The following CALCRL variants were observed in gnomAD, a reference collection of about 807,000 sequenced individuals.
The protein encoded by CALCRL is calcitonin gene-related peptide type 1 receptor.
CALCRL carries 27 observed loss-of-function variants against 60.4 expected under a neutral mutation model. The observed-to-expected ratio is 0.45, with a 90% CI of 0.33 to 0.62. The LOEUF (loss-of-function observed/expected upper bound fraction) is 0.62. Ranked by LOEUF, CALCRL falls within the 20% of genes least tolerant of loss-of-function variation. The probability of loss-of-function intolerance (pLI) is 0.03; values close to 1 mark genes in which losing one functional copy is unlikely to be tolerated. For missense variants in CALCRL, 424 were observed against 540.7 expected (o/e 0.78, Z 2.14); for synonymous variants, 190 against 182.6 (o/e 1.04, Z -0.33).
At chr2:187,365,536 A>G (rs1484336364) in intron 8 of CALCRL, among the ~76,000 whole-genome samples, 1 of 152,192 alleles carries the variant, frequency 6.6e-6, no homozygotes, top group East Asian at 1.9e-4. Flanking sequence ...CTGAGCACAC[A>G]TATATCTAAG....
chr2:187,350,789 A>C (rs756736357), intron 14 of CALCRL, among the ~76,000 whole-genome samples: 1 of 151,692 alleles, frequency 6.6e-6, no homozygotes, highest in Admixed American at 6.6e-5. Flanking sequence ...AACTGGTCCC[A>C]TGTGTTCCCC....
chr2:187,416,123 A>G (rs1689594019), intron 1 of CALCRL, among the ~76,000 whole-genome samples: 2 of 152,150 alleles, frequency 1.3e-5, no homozygotes, highest in Non-Finnish European at 2.9e-5. Context: ...ACAAAATGCA[A>G]CTCTACTAGG....
intron 1 of CALCRL, among the ~76,000 whole-genome samples, chr2:187,400,250 A>T (rs1280344601): frequency 6.6e-6 from 1 of 151,380 alleles, no homozygotes; most frequent in South Asian, 2.1e-4. Flanking sequence ...TGGGCAAAGG[A>T]TCTAACAAAT....
At chr2:187,385,045 G>T (rs534791805) in intron 4 of CALCRL, among the ~76,000 whole-genome samples, 4 of 152,088 alleles carry the variant, frequency 2.6e-5, no homozygotes, top group African/African-American at 4.8e-5. Flanking sequence ...GCACACACTT[G>T]CCTCAAATTT....
intron 12 of CALCRL, among the ~76,000 whole-genome samples, chr2:187,354,770 C>T (rs1415081667): frequency 2.0e-5 from 3 of 152,050 alleles, no homozygotes; most frequent in Non-Finnish European, 4.4e-5. Context: ...TTCATCCTTA[C>T]TCTTCTTCCT....
chr2:187,364,721 T>A lies in CALCRL; in HGVS notation c.501-1219A>T, dbSNP rs1687204087. Among the ~76,000 whole-genome samples, 3 of 152,296 alleles carry A rather than the reference T, an allele frequency of 2.0e-5. No individual in the cohort carries two copies. In the South Asian group the frequency reaches 6.2e-4, roughly 32 times the overall value. ...TACCTTTCTTCCAGCCACAGGTCTG[T>A]GATTCTATATATAGCTCTAGTAATT... On this transcript the variant is annotated intron_variant, in intron 8 of 14. Transcript: ENST00000392370.
intron 1 of CALCRL, among the ~76,000 whole-genome samples, chr2:187,413,580 T>C (rs555905025): frequency 8.5e-5 from 13 of 152,248 alleles, no homozygotes; most frequent in Non-Finnish European, 2.9e-5. Flanking sequence ...CAGCAAACGA[T>C]AGAAATGATT....
At chr2:187,360,380 G>A (rs1433213719) in intron 10 of CALCRL, among the ~76,000 whole-genome samples, 1 of 151,954 alleles carries the variant, frequency 6.6e-6, no homozygotes, top group East Asian at 1.9e-4. Flanking sequence ...TAGAAAAAAA[G>A]ACACTATTAT....
chr2:187,372,163 C>CT (rs928701129), intron 8 of CALCRL, among the ~76,000 whole-genome samples: 103 of 145,230 alleles, frequency 7.1e-4, no homozygotes, highest in African/African-American at 1.1e-3. Context: ...ACAACATTTT[C>CT]TTTTTTTTTT....
chr2:187,382,168 T>G (rs1464440460), intron 5 of CALCRL, among the ~76,000 whole-genome samples: 5 of 152,172 alleles, frequency 3.3e-5, no homozygotes, highest in Non-Finnish European at 7.3e-5. Flanking sequence ...AAATTGTGTT[T>G]TATGGCATTT....
chr2:187,342,634 G>A lies in CALCRL; in HGVS notation c.*3550C>T, dbSNP rs1448752181. ...AAAAAAACACAAGTGTTTTAAATGG[G>A]CATTTTCTCCAGAAAACAGAAAATG... On this transcript the variant is annotated 3_prime_UTR_variant, in exon 15 of 15. Transcript: ENST00000392370. 6.6e-6 allele frequency among the ~76,000 whole-genome samples: 1 copy of A among 151,378 alleles called. No individual in the cohort carries two copies. Among genetic ancestry groups the A allele is most frequent in the African/African-American group, 2.4e-5 (1 of 41,340 alleles).
chr2:187,395,631 G>C lies in CALCRL; in HGVS notation c.-292-7875C>G, dbSNP rs1318586898. On this transcript the variant is annotated intron_variant, in intron 1 of 14. Transcript: ENST00000392370. ...TAGTTTGGTAGGGTGAAGGTGGTGA[G>C]ATATGTTAAGATTTCTGCCCTCAAT... Among the ~76,000 whole-genome samples, 6 of 152,136 alleles carry C rather than the reference G, an allele frequency of 3.9e-5. No homozygotes were observed. The Middle Eastern group carries it at 0.01, about 259-fold the overall frequency.
intron 1 of CALCRL, among the ~76,000 whole-genome samples, chr2:187,445,800 G>A (rs1691153765): frequency 6.6e-6 from 1 of 151,512 alleles, no homozygotes; most frequent in East Asian, 1.9e-4. Flanking sequence ...AATATGCTAA[G>A]TATTGTCTTC....
At chr2:187,426,150 G>A (rs777550954) in intron 1 of CALCRL, among the ~76,000 whole-genome samples, 5 of 151,130 alleles carry the variant, frequency 3.3e-5, no homozygotes, top group Non-Finnish European at 7.4e-5. Context: ...GTAGCACGGA[G>A]CAAGAAAGAA....
intron 1 of CALCRL, among the ~76,000 whole-genome samples, chr2:187,411,453 G>C (rs925884391): frequency 6.6e-6 from 1 of 152,040 alleles, no homozygotes; most frequent in Admixed American, 6.5e-5. Context: ...CAATATATAA[G>C]GTAGCAAATG....
At chr2:187,404,537 A>G (rs769387527) in intron 1 of CALCRL, among the ~76,000 whole-genome samples, 15 of 151,208 alleles carry the variant, frequency 9.9e-5, no homozygotes, top group Non-Finnish European at 1.5e-5. Context: ...CAACCATAAC[A>G]TCCTGGGGTC....
rs1297672744 is a variant in CALCRL at position 187,343,347 on chromosome 2, T to C, written c.*2837A>G. 6.6e-6 allele frequency: 1 copy of C among 151,844 alleles called. No homozygotes were observed. The highest frequency in any genetic ancestry group is 1.5e-5 in the Non-Finnish European group (1 of 67,568). The allele number at this position is 151,844 out of a possible 1,614,324, so 9.4% of individuals were successfully genotyped here. On this transcript the variant is annotated 3_prime_UTR_variant, in exon 15 of 15. Transcript: ENST00000392370. ...ATACAATCAAAAAATAGAGATATAC[T>C]CTAGGCATAACATAAATTGTTATAA... is the stretch of plus-strand genomic sequence containing the variant.
chr2:187,371,958 A>G (rs1339661914), intron 8 of CALCRL, among the ~76,000 whole-genome samples: 2 of 152,286 alleles, frequency 1.3e-5, no homozygotes, highest in East Asian at 3.9e-4. Context: ...GGTTATTTTA[A>G]TAAGTTAAAT....
intron 7 of CALCRL, among the ~76,000 whole-genome samples, 156 bp from the exon 8 acceptor site, chr2:187,379,187 T>A: frequency 6.6e-6 from 1 of 152,254 alleles, no homozygotes; most frequent in South Asian, 2.1e-4. Context: ...AACCAATAAA[T>A]ACTTGAACGT....
Sources: allele counts gnomAD v4.1 joint callset (sites outside exome capture counted in the v4.1 genomes callset), GRCh38; gene constraint gnomAD v4.1.1; transcripts MANE v1.5; gene names NCBI Gene and HGNC (gene_info 2026-07-23, HGNC 2026-07-21).